The following THSD7B variants were observed in gnomAD, a reference collection of about 807,000 sequenced individuals.
THSD7B encodes thrombospondin type-1 domain-containing protein 7B.
THSD7B carries 138 observed loss-of-function variants against 213.6 expected under a neutral mutation model. The ratio of observed to expected loss-of-function variants is 0.65; its 90% CI spans 0.56 to 0.74. The LOEUF (loss-of-function observed/expected upper bound fraction) is 0.74. Among genes scored for constraint, THSD7B ranks in the 30% least tolerant of loss-of-function variants. The pLI is 0.00. For missense variants in THSD7B, 1,931 were observed against 1,991.5 expected, an observed-to-expected ratio of 0.97 and a Z score of 0.58; for synonymous variants, 742 against 687.0, an observed-to-expected ratio of 1.08 and a Z score of -1.25.
intron 22 of THSD7B, 66 bp downstream of exon 22, chr2:137,655,726 TCC>T: frequency 6.6e-7 from 1 of 1,506,268 alleles, no homozygotes; most frequent in Non-Finnish European, 9.0e-7. Flanking sequence ...ACTACTGTTT[TCC>T]TAGAGATGCT....
At chr2:136,804,406 ACACACAC>A (rs1682247651) in intron 1 of THSD7B, among the ~76,000 whole-genome samples, 1 of 14,658 alleles carries the variant, frequency 6.8e-5, no homozygotes, top group Non-Finnish European at 1.4e-4. Context: ...CACACATAAC[ACACACAC>A]ACACACACAC....
rs190495086 is a variant in THSD7B at position 137,295,344 on chromosome 2, T to A, written c.2500+19318T>A. ...ATATATCTATTACACAAATGCATAT[T>A]TTTTTCTTTGCTTCTGTTTTCTTTA... On this transcript the variant is annotated intron_variant, in intron 12 of 27. Coordinates refer to ENST00000409968, the MANE Select transcript of THSD7B (RefSeq NM_001316349.2). Among the ~76,000 whole-genome samples the A allele has an allele frequency of 4.6e-5, 7 of 152,266 alleles. No individual in the cohort carries two copies. The East Asian group carries it at 1.3e-3, about 29-fold the overall frequency.
At position 137,389,128 on chromosome 2, in the gene THSD7B, T is replaced by C. The variant is rs1685957381; in HGVS notation, c.2501-16485T>C. Among the ~76,000 whole-genome samples, 6 of 148,746 alleles carry C rather than the reference T, an allele frequency of 4.0e-5. No homozygotes were observed. In the South Asian group the frequency reaches 1.3e-3, roughly 31 times the overall value. On this transcript the variant is annotated intron_variant, in intron 12 of 27. Coordinates refer to ENST00000409968, the MANE Select transcript of THSD7B (RefSeq NM_001316349.2). ...CCTTACTGGCTGTATTAATTTACAT[T>C]ACCACTAACAGTGTATAAGAGCTCC...
rs1391361008 is a variant in THSD7B at position 137,394,329 on chromosome 2, G to A, written c.2501-11284G>A. On this transcript the variant is annotated intron_variant, in intron 12 of 27. Transcript: ENST00000409968. ...TTAAGGCTTTAATCCATCTTGAATTGATTTTTGTATAAGGTGTAAGGAAGG... is the reference window on the plus strand; with the variant it reads ...TTAAGGCTTTAATCCATCTTGAATTAATTTTTGTATAAGGTGTAAGGAAGG... 3.1e-5 allele frequency among the ~76,000 whole-genome samples: 4 copies of A among 127,396 alleles called. 1 individual carries two copies. The highest frequency in any genetic ancestry group is 8.6e-5 in the African/African-American group (3 of 34,832). The allele number at this position is 127,396 out of a possible 152,430, so 83.6% of individuals were successfully genotyped here.
At position 136,765,628 on chromosome 2, in the gene THSD7B, C is replaced by T. The variant is rs1480392483; in HGVS notation, c.-95C>T. On this transcript the variant is annotated 5_prime_UTR_variant, in exon 1 of 28. Coordinates refer to ENST00000409968, the MANE Select transcript of THSD7B (RefSeq NM_001316349.2). ...GACACACACCACCATCTTTCTTGCG[C>T]TCGGGAAGCTCGGGGCTCAGCGGCT... 1.3e-5 allele frequency: 2 copies of T among 151,476 alleles called. No individual in the cohort carries two copies. Among genetic ancestry groups the T allele is most frequent in the African/African-American group, 4.8e-5 (2 of 41,254 alleles). 9.4% of individuals were successfully genotyped at this position (151,476 alleles called of 1,614,324 possible).
At chr2:137,147,707 A>G (rs1679731589) in intron 5 of THSD7B, among the ~76,000 whole-genome samples, 1 of 152,106 alleles carries the variant, frequency 6.6e-6, no homozygotes, top group Non-Finnish European at 1.5e-5. Flanking sequence ...ACAGGTGAAG[A>G]TCTGTCTTGC....
At chr2:137,408,266 G>T (rs1001403356) in intron 13 of THSD7B, among the ~76,000 whole-genome samples, 4 of 152,110 alleles carry the variant, frequency 2.6e-5, no homozygotes, top group African/African-American at 9.7e-5. Flanking sequence ...CCTTGTAGAT[G>T]AACATTATTT....
chr2:137,660,029 TCTC>T (rs1683313775), intron 25 of THSD7B, among the ~76,000 whole-genome samples: 1 of 152,232 alleles, frequency 6.6e-6, no homozygotes, highest in African/African-American at 2.4e-5. Context: ...ACTTATGTCT[TCTC>T]TTCTTAACCT....
chr2:137,385,981 G>A (rs75773606), intron 12 of THSD7B, among the ~76,000 whole-genome samples: 4,806 of 152,254 alleles, frequency 0.032, 279 homozygotes, highest in African/African-American at 0.11. Flanking sequence ...GCCTGATGTA[G>A]TGTCATTAAA....
chr2:137,035,985 C>A (rs933996308), intron 2 of THSD7B, among the ~76,000 whole-genome samples: 3 of 152,120 alleles, frequency 2.0e-5, no homozygotes, highest in Non-Finnish European at 4.4e-5. Flanking sequence ...ATACTACCTA[C>A]CACATCAGCA....
intron 2 of THSD7B, among the ~76,000 whole-genome samples, chr2:136,961,453 C>T (rs1276369506): frequency 2.0e-5 from 3 of 151,946 alleles, no homozygotes; most frequent in Non-Finnish European, 4.4e-5. Context: ...ATCTCCTGAC[C>T]TTGTGATCTG....
At chr2:137,220,065 G>A (rs908560349) in intron 7 of THSD7B, among the ~76,000 whole-genome samples, 1 of 152,126 alleles carries the variant, frequency 6.6e-6, no homozygotes, top group African/African-American at 2.4e-5. Flanking sequence ...TAATACAGAA[G>A]TTTCAACTCT....
At chr2:137,400,092 C>T (rs1686315781) in intron 12 of THSD7B, among the ~76,000 whole-genome samples, 2 of 151,840 alleles carry the variant, frequency 1.3e-5, no homozygotes, top group Admixed American at 6.6e-5. Flanking sequence ...CATTCATATC[C>T]TAAATTGATT....
At chr2:137,455,569 C>T (rs139985716) in intron 15 of THSD7B, among the ~76,000 whole-genome samples, 29 of 152,296 alleles carry the variant, frequency 1.9e-4, no homozygotes, top group Middle Eastern at 3.4e-3. Flanking sequence ...ACCATGATAG[C>T]TCTTTCTCTA....
intron 2 of THSD7B, among the ~76,000 whole-genome samples, chr2:137,033,611 T>C: frequency 6.6e-6 from 1 of 151,936 alleles, no homozygotes; most frequent in East Asian, 1.9e-4. Context: ...TTATTATTTT[T>C]ATTTATTTAT....
chr2:137,217,560 A>T (rs1681277228), intron 7 of THSD7B, among the ~76,000 whole-genome samples: 1 of 152,162 alleles, frequency 6.6e-6, no homozygotes, highest in African/African-American at 2.4e-5. Context: ...ATTCAAACCC[A>T]GGTCTATCTG....
intron 2 of THSD7B, among the ~76,000 whole-genome samples, chr2:137,001,891 T>C (rs1304246192): frequency 6.6e-6 from 1 of 152,134 alleles, no homozygotes; most frequent in Non-Finnish European, 1.5e-5. Context: ...TGTTCAAAAC[T>C]TTTTCTTTTT....
chr2:137,669,116 T>C (rs1209465257), intron 27 of THSD7B, among the ~76,000 whole-genome samples: 1 of 152,194 alleles, frequency 6.6e-6, no homozygotes, highest in African/African-American at 2.4e-5. Context: ...GTTACTTCAA[T>C]TTTTTCTCCT....
chr2:137,342,849 C>A (rs1035400295), intron 12 of THSD7B, among the ~76,000 whole-genome samples: 1 of 151,648 alleles, frequency 6.6e-6, no homozygotes, highest in Admixed American at 6.6e-5. Flanking sequence ...GATTTGCATA[C>A]GGTAAACCAT....
Sources: allele counts gnomAD v4.1 joint callset (sites outside exome capture counted in the v4.1 genomes callset), GRCh38; gene constraint gnomAD v4.1.1; transcripts MANE v1.5; gene names NCBI Gene and HGNC (gene_info 2026-07-23, HGNC 2026-07-21).